LEO1: variants seen among roughly 807,000 people sequenced by gnomAD.
The protein encoded by LEO1 is LEO1 component of Paf1/RNA polymerase II complex.
Under a neutral mutation model 80.4 loss-of-function variants are expected in LEO1, and 34 were observed. The ratio of observed to expected loss-of-function variants is 0.42; its 90% CI spans 0.32 to 0.56. LEO1 has a LOEUF of 0.56. Among genes scored for constraint, LEO1 ranks in the 20% least tolerant of loss-of-function variants. The pLI is 0.10. For synonymous variants in LEO1, 262 were observed against 274.9 expected (o/e 0.95, Z 0.46); for missense variants, 631 against 814.2 (o/e 0.77, Z 2.74).
In LEO1 at chr15:51,958,736, T is replaced by G; in HGVS notation, c.1245+6A>C. 1 of 1,545,628 alleles carries G rather than the reference T, an allele frequency of 6.5e-7. No individual in the cohort carries two copies. The highest frequency in any genetic ancestry group is 8.8e-7 in the Non-Finnish European group (1 of 1,130,000). On this transcript the variant is annotated splice_donor_region_variant and intron_variant, in intron 6 of 11. Coordinates refer to ENST00000299601, the MANE Select transcript of LEO1 (RefSeq NM_138792.4). ...AGAAAAAAAAGGAAAAAGCATGAAATGGTACCTTTAATTTTAACCTGGTTC... is the reference window on the plus strand; with the variant it reads ...AGAAAAAAAAGGAAAAAGCATGAAAGGGTACCTTTAATTTTAACCTGGTTC...
rs199619654 is a variant in LEO1, at chr15:51,949,773, G to A, written c.1798+35C>T. On this transcript the variant is annotated intron_variant, in intron 10 of 11. Transcript: ENST00000299601. ...ATGCCAAGATGAAGTCCAGAATCCC[G>A]AAATGATGAAATGTAATTTCCATAC... 86 of 1,566,430 alleles carry A rather than the reference G, an allele frequency of 5.5e-5. No homozygotes were observed. In the East Asian group the frequency reaches 1.6e-3, roughly 30 times the overall value.
intron 11 of LEO1, among the ~76,000 whole-genome samples, chr15:51,939,518 G>GT (rs2056830171): frequency 6.6e-6 from 1 of 152,164 alleles, no homozygotes; most frequent in Non-Finnish European, 1.5e-5. Context: ...GCTGACAGCA[G>GT]TGAAATACCT....
intron 11 of LEO1, among the ~76,000 whole-genome samples, chr15:51,940,879 C>G (rs1399695661): frequency 6.6e-6 from 1 of 152,024 alleles, no homozygotes; most frequent in Non-Finnish European, 1.5e-5. Flanking sequence ...GGGCAGATCA[C>G]TTGAGGTCAG....
chr15:51,955,851 T>A (rs569287554), intron 6 of LEO1, among the ~76,000 whole-genome samples: 1 of 152,248 alleles, frequency 6.6e-6, no homozygotes, highest in East Asian at 1.9e-4. Context: ...AGCTATAAAG[T>A]GTGCTGATTG....
intron 6 of LEO1, among the ~76,000 whole-genome samples, chr15:51,955,541 T>A (rs2056982546): frequency 6.6e-6 from 1 of 152,176 alleles, no homozygotes; most frequent in Admixed American, 6.5e-5. Context: ...ATGCAGTTTA[T>A]CACTGCTGCC....
intron 9 of LEO1, among the ~76,000 whole-genome samples, chr15:51,950,622 T>G (rs1471852215): frequency 3.3e-5 from 5 of 152,206 alleles, no homozygotes; most frequent in Non-Finnish European, 7.3e-5. Context: ...TCAGGGATAT[T>G]CTGGGATTTC....
At chr15:51,941,096 T>C (rs1006885796) in intron 11 of LEO1, among the ~76,000 whole-genome samples, 3 of 151,328 alleles carry the variant, frequency 2.0e-5, no homozygotes, top group Non-Finnish European at 4.4e-5. Context: ...AACAAATAAA[T>C]AAATAAATAA....
chr15:51,938,410 C>A, intron 11 of LEO1, 150 bp from the exon 12 acceptor site: 1 of 597,714 alleles, frequency 1.7e-6, no homozygotes, highest in Non-Finnish European at 3.0e-6. Context: ...GTGTCAGCAA[C>A]TGTGAACTAA....
chr15:51,945,570 A>G (rs1223874787), intron 11 of LEO1, among the ~76,000 whole-genome samples: 1 of 152,176 alleles, frequency 6.6e-6, no homozygotes, highest in African/African-American at 2.4e-5. Context: ...GACCCCCCAG[A>G]GCATTCTCTA....
intron 3 of LEO1, among the ~76,000 whole-genome samples, chr15:51,961,492 A>G (rs1409536973): frequency 6.6e-6 from 1 of 151,888 alleles, no homozygotes; most frequent in African/African-American, 2.4e-5. Flanking sequence ...TCCCGAGCAC[A>G]AGCGATTCTC....
chr15:51,939,276 C>A (rs2141733304), intron 11 of LEO1, among the ~76,000 whole-genome samples: 1 of 152,304 alleles, frequency 6.6e-6, no homozygotes, highest in African/African-American at 2.4e-5. Flanking sequence ...AGACATCTTG[C>A]TGCTGTGACC....
At chr15:51,967,814 A>C (rs1310210943) in intron 1 of LEO1, among the ~76,000 whole-genome samples, 1 of 152,266 alleles carries the variant, frequency 6.6e-6, no homozygotes, top group East Asian at 1.9e-4. Context: ...TCAAAAACTA[A>C]GACGATATGG....
intron 11 of LEO1, among the ~76,000 whole-genome samples, chr15:51,940,356 C>T (rs1416487720): frequency 1.4e-5 from 2 of 146,950 alleles, no homozygotes; most frequent in South Asian, 2.2e-4. Flanking sequence ...GTCAGGAGTT[C>T]AAGACCAGCC....
At chr15:51,957,413 A>C (rs866339816) in intron 6 of LEO1, among the ~76,000 whole-genome samples, 2 of 152,312 alleles carry the variant, frequency 1.3e-5, no homozygotes, top group South Asian at 2.1e-4. Flanking sequence ...TAATATTAAC[A>C]GATGGGCTAA....
chr15:51,940,682 C>T (rs950187523), intron 11 of LEO1, among the ~76,000 whole-genome samples: 8 of 151,342 alleles, frequency 5.3e-5, no homozygotes, highest in Non-Finnish European at 1.2e-4. Flanking sequence ...TTTGGGAGGC[C>T]AAAGTGGGAG....
intron 3 of LEO1, among the ~76,000 whole-genome samples, chr15:51,961,343 TATA>T (rs1462520924): frequency 4.0e-5 from 6 of 149,884 alleles, no homozygotes; most frequent in African/African-American, 1.5e-4. Context: ...CCTTCCAACT[TATA>T]ATACCAGGTG....
At chr15:51,953,322 T>C in intron 7 of LEO1, 59 bp from the exon 8 acceptor site, 1 of 1,581,454 alleles carries the variant, frequency 6.3e-7, no homozygotes, top group Non-Finnish European at 8.6e-7. Context: ...ACCATCTTAC[T>C]TCACTTAAAG....
At chr15:51,946,432 G>A (rs1391083018) in intron 11 of LEO1, among the ~76,000 whole-genome samples, 1 of 152,138 alleles carries the variant, frequency 6.6e-6, no homozygotes. Context: ...CCAACCTCAG[G>A]TGATCCGCTT....
At chr15:51,969,297 A>G (rs1280846241) in intron 1 of LEO1, among the ~76,000 whole-genome samples, 3 of 151,940 alleles carry the variant, frequency 2.0e-5, no homozygotes, top group South Asian at 2.1e-4. Flanking sequence ...TTGAATAGAC[A>G]TTTCTCCAAA....
Sources: gnomAD v4.1 joint callset for allele counts (sites outside exome capture counted in the v4.1 genomes callset) on GRCh38, gnomAD v4.1.1 for gene constraint, MANE v1.5 for transcripts, NCBI Gene and HGNC (gene_info 2026-07-23, HGNC 2026-07-21) for gene names.